The following HTR4 variants were observed in gnomAD, a reference collection of about 807,000 sequenced individuals.
The protein encoded by HTR4 is 5-hydroxytryptamine receptor 4.
HTR4 carries 16 observed loss-of-function variants against 36.8 expected under a neutral mutation model. That is an observed-to-expected ratio of 0.43 (90% CI 0.29 to 0.66). The LOEUF (loss-of-function observed/expected upper bound fraction) is 0.66. Among genes scored for constraint, HTR4 ranks in the 30% least tolerant of loss-of-function variants. HTR4 has a pLI of 0.13. For synonymous variants in HTR4, 189 were observed against 185.1 expected (o/e 1.02, Z -0.17); for missense variants, 438 against 490.9 (o/e 0.89, Z 1.02).
intron 5 of HTR4, among the ~76,000 whole-genome samples, chr5:148,469,738 GT>G (rs1374432024): frequency 6.6e-6 from 1 of 152,220 alleles, no homozygotes; most frequent in Non-Finnish European, 1.5e-5. Context: ...ACATAGTCAT[GT>G]TTGCCTGCCT....
Position 148,597,877 on chromosome 5 carries a change from A to G in HTR4, c.26+39112T>C, listed in dbSNP as rs1365152037. Among the ~76,000 whole-genome samples the G allele has an allele frequency of 2.0e-5, 3 of 152,254 alleles. No homozygotes were observed. In the East Asian group the frequency reaches 5.8e-4, roughly 29 times the overall value. ...AACAAGTACCTCCTACACTCATAAC[A>G]GTGACTGACACATAGAAAGCATTCC... On this transcript the variant is annotated intron_variant, in intron 2 of 6. Coordinates refer to ENST00000377888, the MANE Select transcript of HTR4 (RefSeq NM_000870.7).
At chr5:148,645,787 G>A (rs1387934012) in intron 1 of HTR4, 1 of 152,226 alleles carries the variant, frequency 6.6e-6, no homozygotes, top group Non-Finnish European at 1.5e-5. Flanking sequence ...TTGCAGGGTA[G>A]ATATTTCCTA....
chr5:148,581,192 TA>T, intron 2 of HTR4, among the ~76,000 whole-genome samples: 1 of 152,166 alleles, frequency 6.6e-6, no homozygotes, highest in Non-Finnish European at 1.5e-5. Context: ...TAAATCAGGT[TA>T]TTTGATTTTT....
At chr5:148,607,413 C>T (rs1266900807) in intron 2 of HTR4, among the ~76,000 whole-genome samples, 1 of 152,200 alleles carries the variant, frequency 6.6e-6, no homozygotes, top group Admixed American at 6.5e-5. Context: ...GCATGCTGTA[C>T]AGGGCTCATG....
At chr5:148,578,523 C>T (rs1761012585) in intron 2 of HTR4, among the ~76,000 whole-genome samples, 1 of 152,024 alleles carries the variant, frequency 6.6e-6, no homozygotes. Context: ...ATGTCTTAAC[C>T]ATATAAATGC....
chr5:148,555,724 G>A (rs1054353014), intron 2 of HTR4, among the ~76,000 whole-genome samples: 1 of 151,972 alleles, frequency 6.6e-6, no homozygotes, highest in Non-Finnish European at 1.5e-5. Context: ...CTTTCTCCGT[G>A]ATCTTTTGAT....
chr5:148,653,759 C>T (rs1432156025), intron 1 of HTR4, among the ~76,000 whole-genome samples: 1 of 152,192 alleles, frequency 6.6e-6, no homozygotes, highest in African/African-American at 2.4e-5. Flanking sequence ...CAAATCTTTA[C>T]ATACACAACC....
At chr5:148,610,378 C>G (rs6580560) in intron 2 of HTR4, among the ~76,000 whole-genome samples, 40,074 of 151,940 alleles carry the variant, frequency 0.26, 6,150 homozygotes, top group Non-Finnish European at 0.34. Context: ...CCGTGACCCC[C>G]GAGCAGCCTA....
chr5:148,555,082 A>G (rs1759881740), intron 2 of HTR4, among the ~76,000 whole-genome samples: 1 of 151,976 alleles, frequency 6.6e-6, no homozygotes, highest in African/African-American at 2.4e-5. Flanking sequence ...ATTATATAAA[A>G]AAAGAATTCC....
intron 5 of HTR4, among the ~76,000 whole-genome samples, chr5:148,470,279 T>C (rs896434214): frequency 6.6e-6 from 1 of 152,194 alleles, no homozygotes; most frequent in African/African-American, 2.4e-5. Flanking sequence ...CATATTAACA[T>C]ATGCAGCTTC....
chr5:148,533,679 A>G (rs1189456603), intron 4 of HTR4, among the ~76,000 whole-genome samples: 2 of 152,148 alleles, frequency 1.3e-5, no homozygotes, highest in Non-Finnish European at 2.9e-5. Context: ...TTGGGTACCA[A>G]CTTTCCCTGC....
intron 2 of HTR4, among the ~76,000 whole-genome samples, chr5:148,613,310 C>A: frequency 8.3e-6 from 1 of 120,212 alleles, no homozygotes; most frequent in South Asian, 3.2e-4. Flanking sequence ...AATCCAGCAG[C>A]ACATCAAAAA....
intron 2 of HTR4, chr5:148,629,652 A>T (rs970760214): frequency 7.9e-5 from 12 of 152,218 alleles, no homozygotes; most frequent in African/African-American, 2.9e-4. Flanking sequence ...CAGGTGGACA[A>T]GGTAAACTGC....
chr5:148,580,257 T>C (rs1449737625), intron 2 of HTR4, among the ~76,000 whole-genome samples: 1 of 152,190 alleles, frequency 6.6e-6, no homozygotes, highest in Admixed American at 6.6e-5. Flanking sequence ...AGTAATCTTT[T>C]TCCCCCAGTT....
chr5:148,627,239 G>A (rs750820810), intron 2 of HTR4, among the ~76,000 whole-genome samples: 14 of 152,048 alleles, frequency 9.2e-5, no homozygotes, highest in Non-Finnish European at 1.6e-4. Context: ...TCTGTCTTCC[G>A]TGCAGACTGA....
chr5:148,639,234 C>T (rs1190438437), intron 1 of HTR4, among the ~76,000 whole-genome samples: 1 of 152,070 alleles, frequency 6.6e-6, no homozygotes, highest in East Asian at 1.9e-4. Context: ...CAGGTCATTT[C>T]TTGCTTGCAT....
At chr5:148,512,463 A>G (rs1757538852) in intron 5 of HTR4, among the ~76,000 whole-genome samples, 1 of 152,190 alleles carries the variant, frequency 6.6e-6, no homozygotes, top group Non-Finnish European at 1.5e-5. Flanking sequence ...GATTTTTAAT[A>G]TAATAGTTCT....
At chr5:148,627,041 A>T (rs181963181) in intron 2 of HTR4, among the ~76,000 whole-genome samples, 78 of 152,244 alleles carry the variant, frequency 5.1e-4, no homozygotes, top group African/African-American at 1.8e-3. Context: ...TCTACCGGAA[A>T]TGCTACTTCA....
At chr5:148,558,465 G>A (rs1760053599) in intron 2 of HTR4, among the ~76,000 whole-genome samples, 1 of 152,126 alleles carries the variant, frequency 6.6e-6, no homozygotes, top group South Asian at 2.1e-4. Flanking sequence ...ACTTTGAGAT[G>A]TAAATGAAAG....
Sources: gnomAD v4.1 joint callset for allele counts (sites outside exome capture counted in the v4.1 genomes callset) on GRCh38, gnomAD v4.1.1 for gene constraint, MANE v1.5 for transcripts, NCBI Gene and HGNC (gene_info 2026-07-23, HGNC 2026-07-21) for gene names.